Variants in STEAP4 observed in about 807,000 individuals in gnomAD.
The protein encoded by STEAP4 is STEAP4 metalloreductase, also known as metalloreductase STEAP4.
STEAP4 carries 36 observed loss-of-function variants against 43.6 expected under a neutral mutation model. The observed-to-expected ratio is 0.83, with a 90% CI of 0.63 to 1.09. STEAP4 has a LOEUF of 1.09. Among genes scored for constraint, STEAP4 ranks in the 50% least tolerant of loss-of-function variants. STEAP4 has a pLI of 0.00. For synonymous variants in STEAP4, 191 were observed against 196.7 expected (o/e 0.97, Z 0.24); for missense variants, 495 against 546.5 (o/e 0.91, Z 0.94).
chr7:88,288,322 C>T (rs189156789), intron 1 of STEAP4, among the ~76,000 whole-genome samples: 1 of 152,156 alleles, frequency 6.6e-6, no homozygotes, highest in African/African-American at 2.4e-5. Context: ...AGGCATGTGC[C>T]ACCATGCCTG....
rs1396556926 is a variant in STEAP4 at position 88,275,599 on chromosome 7, G to GT, written c.*3798_*3799insA. The GT allele has an allele frequency of 8.5e-5, 12 of 140,420 alleles. No homozygotes were observed. Among genetic ancestry groups the GT allele is most frequent in the African/African-American group, 2.1e-4 (8 of 37,882 alleles). The allele number at this position is 140,420 out of a possible 1,614,324, so 8.7% of individuals were successfully genotyped here. ...GTAAGGCTATCTGTGGGCTCTCATG[G>GT]GGTGTGTGTGTGTGTGTGTGTGTGT... On this transcript the variant is annotated 3_prime_UTR_variant, in exon 5 of 5. Coordinates refer to ENST00000380079, the MANE Select transcript of STEAP4 (RefSeq NM_024636.4).
intron 1 of STEAP4, among the ~76,000 whole-genome samples, chr7:88,302,851 G>C (rs964216406): frequency 5.3e-5 from 8 of 151,330 alleles, no homozygotes; most frequent in African/African-American, 1.9e-4. Flanking sequence ...CTACTCAGGA[G>C]GCTGAGGCAG....
At chr7:88,306,286 A>G (rs902521833) in intron 1 of STEAP4, among the ~76,000 whole-genome samples, 2 of 152,264 alleles carry the variant, frequency 1.3e-5, no homozygotes, top group African/African-American at 4.8e-5. Context: ...TACTCTTCAC[A>G]ATAAATTATA....
chr7:88,279,758 C>A, intron 4 of STEAP4, 130 bp from the exon 5 acceptor site: 2 of 727,068 alleles, frequency 2.8e-6, no homozygotes, highest in Admixed American at 2.9e-5. Context: ...GACACTTTGC[C>A]AAGTACTGAA....
chr7:88,304,113 C>T (rs1484233324), intron 1 of STEAP4: 3 of 152,056 alleles, frequency 2.0e-5, no homozygotes, highest in African/African-American at 7.2e-5. Flanking sequence ...CATATTCTCA[C>T]TCATAGGTGG....
rs1852441865 is a variant in STEAP4, at chr7:88,271,852, AT to A, written c.*7545del. The stretch of plus-strand genomic sequence containing the variant: ...ACAGAATGTGTGCTCAAACATTTGG[AT>A]TTTTGCCCATCTACTAGGTGAGAAA... On this transcript the variant is annotated 3_prime_UTR_variant, in exon 5 of 5. Coordinates refer to ENST00000380079, the MANE Select transcript of STEAP4 (RefSeq NM_024636.4). The A allele has an allele frequency of 6.6e-6, 1 of 152,180 alleles. No homozygotes were observed. The highest frequency in any genetic ancestry group is 6.5e-5 in the Admixed American group (1 of 15,272). 9.4% of individuals were successfully genotyped at this position (152,180 alleles called of 1,614,324 possible). A position where few individuals can be genotyped will look rare whatever the true frequency, so the allele number is the denominator to read the frequency against.
At chr7:88,281,798 G>T (rs1039194551) in intron 3 of STEAP4, 10 of 152,148 alleles carry the variant, frequency 6.6e-5, no homozygotes, top group African/African-American at 2.4e-4. Context: ...TTTGATATTT[G>T]CTCAGAATTA....
At chr7:88,288,155 A>G (rs1017728645) in intron 1 of STEAP4, among the ~76,000 whole-genome samples, 2 of 152,218 alleles carry the variant, frequency 1.3e-5, no homozygotes, top group African/African-American at 4.8e-5. Context: ...AATTCAAAAT[A>G]AATTAAAGAT....
Position 88,274,337 on chromosome 7 carries a change from G to A in STEAP4, c.*5061C>T, listed in dbSNP as rs1852480167. On this transcript the variant is annotated 3_prime_UTR_variant, in exon 5 of 5. Coordinates refer to ENST00000380079, the MANE Select transcript of STEAP4 (RefSeq NM_024636.4). Reference sequence around the variant, plus strand: ...TTCCAAAATTCCCTTACAGCAGAAAGCAAGTAGTACTGGATCCTTTTGGCT... The same window carrying A: ...TTCCAAAATTCCCTTACAGCAGAAAACAAGTAGTACTGGATCCTTTTGGCT... 6.6e-6 allele frequency: 1 copy of A among 152,258 alleles called. No individual in the cohort carries two copies. The highest frequency in any genetic ancestry group is 1.5e-5 in the Non-Finnish European group (1 of 68,046). The allele number at this position is 152,258 out of a possible 1,614,324, so 9.4% of individuals were successfully genotyped here.
Position 88,282,775 on chromosome 7 carries a change from C to G in STEAP4, c.850G>C (p.Asp284His), listed in dbSNP as rs971143467. 9 of 1,613,896 alleles carry G rather than the reference C, an allele frequency of 5.6e-6. No homozygotes were observed. Among genetic ancestry groups the G allele is most frequent in the Non-Finnish European group, 7.6e-6 (9 of 1,180,018 alleles). Residue 284 changes from aspartate (D) to histidine (H), a missense_variant, in exon 3 of 5, where the codon GAC becomes CAC. Coordinates refer to ENST00000380079, the MANE Select transcript of STEAP4 (RefSeq NM_024636.4). ...TGCTTTCGGCAAAGCATCCAGTGGT[C>G]AAGCCAGTCTGGGAATCGACGGTAT... ...TKYRRFPDWL[D>H]HWMLCRKQLG...
At position 88,277,900 on chromosome 7, in the gene STEAP4, C is replaced by G. The variant is rs186244648; in HGVS notation, c.*1498G>C. On this transcript the variant is annotated 3_prime_UTR_variant, in exon 5 of 5. Coordinates refer to ENST00000380079, the MANE Select transcript of STEAP4 (RefSeq NM_024636.4). Reference sequence around the variant, plus strand: ...AAAAATAATAAAAAGGAAAACAAAGCCTTTAGAAAAACAAAGCCTTTGAAA... The same window carrying G: ...AAAAATAATAAAAAGGAAAACAAAGGCTTTAGAAAAACAAAGCCTTTGAAA... 3 of 151,428 alleles carry G rather than the reference C, an allele frequency of 2.0e-5. No individual in the cohort carries two copies. Among genetic ancestry groups the G allele is most frequent in the African/African-American group, 4.8e-5 (2 of 41,294 alleles). 9.4% of individuals were successfully genotyped at this position (151,428 alleles called of 1,614,324 possible).
At chr7:88,289,061 C>CGTGTGTGT (rs144044107) in intron 1 of STEAP4, among the ~76,000 whole-genome samples, 5 of 148,328 alleles carry the variant, frequency 3.4e-5, no homozygotes, top group East Asian at 3.9e-4. Flanking sequence ...CATGCATGCG[C>CGTGTGTGT]GTGTGTGTGT....
chr7:88,304,675 C>G (rs1020536998), intron 1 of STEAP4, among the ~76,000 whole-genome samples: 2 of 150,512 alleles, frequency 1.3e-5, no homozygotes, highest in African/African-American at 4.9e-5. Context: ...TGTTTGCTAG[C>G]AACTTATCAG....
At chr7:88,286,615 G>T (rs1852738921) in intron 1 of STEAP4, among the ~76,000 whole-genome samples, 1 of 152,168 alleles carries the variant, frequency 6.6e-6, no homozygotes, top group Non-Finnish European at 1.5e-5. Flanking sequence ...TGAGGCTGAG[G>T]CATGATAATT....
At position 88,282,988 on chromosome 7, in the gene STEAP4, A is replaced by C; in HGVS notation, c.637T>G (p.Phe213Val). The change falls in exon 3 of 5, where the codon TTC becomes GTC. Residue 213 changes from phenylalanine to valine, a missense_variant. Coordinates refer to ENST00000380079, the MANE Select transcript of STEAP4 (RefSeq NM_024636.4). The part of the protein sequence containing the change: ...PFYLSAVLCV[F>V]LFFYCVIRDV... ...CTTATAACACAATAGAAAAACAAGA[A>C]GACACACAGCACAGCAGACAAATAG... The C allele has an allele frequency of 6.2e-7, 1 of 1,613,636 alleles. No individual in the cohort carries two copies. The highest frequency in any genetic ancestry group is 8.5e-7 in the Non-Finnish European group (1 of 1,179,788).
In STEAP4 at chr7:88,279,525, G is replaced by A. The variant is rs373952428; in HGVS notation, c.1253C>T (p.Ala418Val). The change falls in exon 5 of 5, where the codon GCA becomes GTA. Residue 418 changes from alanine to valine, a missense_variant. Physicochemically the swap from Ala to Val is moderately conservative, Grantham distance 64 (BLOSUM62 0). Transcript: ENST00000380079. ...SPSNLRWYLP[A>V]AYVLGLIIPC... ...AATGATAAGCCCTAACACGTAGGCTGCAGGAAGATACCATCTGAGATTTGA... is the reference window on the plus strand; with the variant it reads ...AATGATAAGCCCTAACACGTAGGCTACAGGAAGATACCATCTGAGATTTGA... The A allele has an allele frequency of 6.2e-7, 1 of 1,614,110 alleles. No individual in the cohort carries two copies. Among genetic ancestry groups the A allele is most frequent in the South Asian group, 1.1e-5 (1 of 91,090 alleles).
intron 1 of STEAP4, among the ~76,000 whole-genome samples, chr7:88,297,089 C>A (rs999946787): frequency 1.3e-5 from 2 of 152,224 alleles, no homozygotes; most frequent in Admixed American, 6.5e-5. Flanking sequence ...TTTTCAAATT[C>A]TTTCTTTTAA....
intron 1 of STEAP4, among the ~76,000 whole-genome samples, chr7:88,288,229 G>A (rs1225659744): frequency 6.6e-6 from 1 of 152,212 alleles, no homozygotes; most frequent in African/African-American, 2.4e-5. Flanking sequence ...GGAGTGCAAT[G>A]CTGTGATCTT....
chr7:88,289,001 T>A lies in STEAP4; in HGVS notation c.-2-4730A>T, dbSNP rs370749148. On this transcript the variant is annotated intron_variant, in intron 1 of 4. Coordinates refer to ENST00000380079, the MANE Select transcript of STEAP4 (RefSeq NM_024636.4). Reference sequence around the variant, plus strand: ...TTGAATTTTTCTCAAAAATGTTTCTTTTCCAATATGTAGTTTAAGCTTTCA... The same window carrying A: ...TTGAATTTTTCTCAAAAATGTTTCTATTCCAATATGTAGTTTAAGCTTTCA... Among the ~76,000 whole-genome samples the A allele has an allele frequency of 3.8e-4, 58 of 152,276 alleles. No individual in the cohort carries two copies. The East Asian group carries it at 5.8e-3, about 15-fold the overall frequency.
Sources: allele counts gnomAD v4.1 joint callset (sites outside exome capture counted in the v4.1 genomes callset), GRCh38; gene constraint gnomAD v4.1.1; transcripts MANE v1.5; gene names NCBI Gene and HGNC (gene_info 2026-07-23, HGNC 2026-07-21).